The following TRIM44 variants were observed in gnomAD, a reference collection of about 807,000 sequenced individuals.
TRIM44 encodes the protein tripartite motif-containing protein 44.
A neutral mutation model predicts 37.4 loss-of-function variants in TRIM44; 13 were observed. That is an observed-to-expected ratio of 0.35 (90% CI 0.23 to 0.55). The LOEUF is 0.55. Among genes scored for constraint, TRIM44 ranks in the 20% least tolerant of loss-of-function variants. The pLI is 0.89. For synonymous variants in TRIM44, 175 were observed against 157.2 expected (o/e 1.11, Z -0.85); for missense variants, 426 against 437.2 (o/e 0.97, Z 0.23).
At chr11:35,800,114 T>C (rs2970317) in intron 4 of TRIM44, among the ~76,000 whole-genome samples, 49,357 of 152,090 alleles carry the variant, frequency 0.32, 8,557 homozygotes, top group Admixed American at 0.42. Context: ...GTTACAGCTC[T>C]TAAAGGTGGC....
chr11:35,780,661 T>G (rs1853050697), intron 4 of TRIM44, among the ~76,000 whole-genome samples: 1 of 152,202 alleles, frequency 6.6e-6, no homozygotes, highest in East Asian at 1.9e-4. Context: ...TCATACATGT[T>G]GTAAGTGGCA....
intron 4 of TRIM44, among the ~76,000 whole-genome samples, chr11:35,802,507 G>A (rs1017007130): frequency 6.6e-5 from 10 of 152,104 alleles, no homozygotes; most frequent in African/African-American, 2.4e-4. Flanking sequence ...GTAAGTTTTA[G>A]GAAGCAGTAT....
At chr11:35,780,444 C>T (rs1281481588) in intron 4 of TRIM44, among the ~76,000 whole-genome samples, 1 of 152,166 alleles carries the variant, frequency 6.6e-6, no homozygotes, top group Non-Finnish European at 1.5e-5. Flanking sequence ...AGAATTTTAA[C>T]AGTTGCTAAG....
chr11:35,756,820 G>A (rs891954037), intron 4 of TRIM44, among the ~76,000 whole-genome samples: 8 of 152,158 alleles, frequency 5.3e-5, no homozygotes, highest in Admixed American at 1.3e-4. Context: ...ATTGATGTGC[G>A]TATGTGGAAC....
chr11:35,801,862 AC>A (rs1429999015), intron 4 of TRIM44, among the ~76,000 whole-genome samples: 1 of 152,056 alleles, frequency 6.6e-6, no homozygotes, highest in Admixed American at 6.5e-5. Flanking sequence ...CTTTAGCTAA[AC>A]TTTTTTGTTT....
intron 2 of TRIM44, among the ~76,000 whole-genome samples, chr11:35,703,424 C>T (rs1228476760): frequency 6.6e-6 from 1 of 152,216 alleles, no homozygotes; most frequent in Non-Finnish European, 1.5e-5. Context: ...TCTCAGCATG[C>T]AGCTGGAGAT....
intron 2 of TRIM44, among the ~76,000 whole-genome samples, chr11:35,717,367 G>A (rs1216280126): frequency 6.6e-6 from 1 of 152,094 alleles, no homozygotes; most frequent in East Asian, 1.9e-4. Context: ...GGGGAAAAAA[G>A]GGTAGCAAGT....
At chr11:35,683,010 A>C (rs1278317280) in intron 1 of TRIM44, among the ~76,000 whole-genome samples, 2 of 152,176 alleles carry the variant, frequency 1.3e-5, no homozygotes, top group African/African-American at 4.8e-5. Context: ...AGAGCTTTCC[A>C]GGGACAAGTG....
intron 4 of TRIM44, among the ~76,000 whole-genome samples, chr11:35,759,927 A>G (rs546827501): frequency 7.5e-4 from 114 of 152,316 alleles, no homozygotes; most frequent in African/African-American, 2.6e-3. Flanking sequence ...TCTCCCAGTT[A>G]GGCTACTCGG....
At chr11:35,744,357 A>G (rs1852457721) in intron 4 of TRIM44, among the ~76,000 whole-genome samples, 1 of 152,226 alleles carries the variant, frequency 6.6e-6, no homozygotes, top group Admixed American at 6.5e-5. Flanking sequence ...TCTTAACACA[A>G]AAAATAAGTA....
chr11:35,785,640 T>C (rs1352328294), intron 4 of TRIM44, among the ~76,000 whole-genome samples: 1 of 152,222 alleles, frequency 6.6e-6, no homozygotes, highest in Admixed American at 6.5e-5. Flanking sequence ...AGTTTGCTAC[T>C]TTCAGCTCAG....
chr11:35,785,162 G>GTTTTTTTGA lies in TRIM44; in HGVS notation c.1008-21196_1008-21195insTTTTTTTGA, dbSNP rs1459782856. Among the ~76,000 whole-genome samples, 4 of 152,330 alleles carry GTTTTTTTGA rather than the reference G, an allele frequency of 2.6e-5. No homozygotes were observed. In the East Asian group the frequency reaches 7.7e-4, roughly 29 times the overall value. ...ATTAATTAAAACACAAATGAATTTA[G>GTTTTTTTGA]CTCTGAATTGAATCTGACTTCCATA... On this transcript the variant is annotated intron_variant, in intron 4 of 4. Coordinates refer to ENST00000299413, the MANE Select transcript of TRIM44 (RefSeq NM_017583.6).
At chr11:35,781,169 C>T (rs1363831804) in intron 4 of TRIM44, among the ~76,000 whole-genome samples, 2 of 151,736 alleles carry the variant, frequency 1.3e-5, no homozygotes, top group Non-Finnish European at 2.9e-5. Context: ...GCCATCCAAG[C>T]AAAAATGAAC....
intron 3 of TRIM44, 60 bp from the exon 4 acceptor site, chr11:35,735,366 T>G (rs1852315198): frequency 6.3e-7 from 1 of 1,590,244 alleles, no homozygotes; most frequent in Non-Finnish European, 8.6e-7. Flanking sequence ...AAGAAAGAAA[T>G]CTGACTCTGT....
intron 4 of TRIM44, among the ~76,000 whole-genome samples, chr11:35,768,894 A>G (rs1271730648): frequency 1.3e-5 from 2 of 152,220 alleles, no homozygotes; most frequent in Non-Finnish European, 2.9e-5. Flanking sequence ...ATTCTGGCCT[A>G]AAGATGCATT....
chr11:35,705,043 C>A (rs1235673898), intron 2 of TRIM44, among the ~76,000 whole-genome samples: 1 of 148,016 alleles, frequency 6.8e-6, no homozygotes, highest in East Asian at 2.0e-4. Context: ...CACACATAGG[C>A]TCAAAATAAA....
chr11:35,813,485 A>C lies in TRIM44; in HGVS notation c.*7100A>C, dbSNP rs935006038. 2 of 152,210 alleles carry C rather than the reference A, an allele frequency of 1.3e-5. No homozygotes were observed. The highest frequency in any genetic ancestry group is 2.9e-5 in the Non-Finnish European group (2 of 68,042). 9.4% of individuals were successfully genotyped at this position (152,210 alleles called of 1,614,324 possible). ...TTGCTCTTCCTTCACACATATTTCTAACTGTAAAGGAAAGAAACAGACTTT... is the reference window on the plus strand; with the variant it reads ...TTGCTCTTCCTTCACACATATTTCTCACTGTAAAGGAAAGAAACAGACTTT... On this transcript the variant is annotated 3_prime_UTR_variant, in exon 5 of 5. Transcript: ENST00000299413.
At chr11:35,746,750 A>G (rs755669835) in intron 4 of TRIM44, among the ~76,000 whole-genome samples, 4 of 152,172 alleles carry the variant, frequency 2.6e-5, no homozygotes, top group Non-Finnish European at 5.9e-5. Context: ...TCATGTGCCT[A>G]TACTTGTTTG....
At position 35,807,035 on chromosome 11, in the gene TRIM44, G is replaced by T. The variant is rs1853461240; in HGVS notation, c.*650G>T. 1 of 152,118 alleles carries T rather than the reference G, an allele frequency of 6.6e-6. No individual in the cohort carries two copies. The highest frequency in any genetic ancestry group is 2.4e-5 in the African/African-American group (1 of 41,430). The allele number at this position is 152,118 out of a possible 1,614,324, so 9.4% of individuals were successfully genotyped here. ...TCAGTGCTGTGGAAATGAAAAAAAT[G>T]ATTGAAGAGGTGGAACGGAAATGAC... is the stretch of plus-strand genomic sequence containing the variant. On this transcript the variant is annotated 3_prime_UTR_variant, in exon 5 of 5. Transcript: ENST00000299413.
Sources: allele counts gnomAD v4.1 joint callset (sites outside exome capture counted in the v4.1 genomes callset), GRCh38; gene constraint gnomAD v4.1.1; transcripts MANE v1.5; gene names NCBI Gene and HGNC (gene_info 2026-07-23, HGNC 2026-07-21).